TMEM71: variants seen among roughly 807,000 people sequenced by gnomAD.
TMEM71 encodes transmembrane protein 71.
TMEM71 carries 44 observed loss-of-function variants against 38.0 expected under a neutral mutation model. That is an observed-to-expected ratio of 1.16 (90% CI 0.91 to 1.49). The LOEUF is 1.49. Among genes scored for constraint, TMEM71 ranks in the 40% most tolerant of loss-of-function variants. TMEM71 has a pLI of 0.00. For missense variants in TMEM71, 367 were observed against 348.6 expected (o/e 1.05, Z -0.42); for synonymous variants, 133 against 122.5 (o/e 1.09, Z -0.56).
At chr8:132,746,617 A>T (rs1487998128) in intron 5 of TMEM71, among the ~76,000 whole-genome samples, 1 of 151,598 alleles carries the variant, frequency 6.6e-6, no homozygotes, top group African/African-American at 2.4e-5. Context: ...TTTCCAATGC[A>T]GGTCTTCTAA....
At chr8:132,747,449 A>G (rs1453302060) in intron 4 of TMEM71, among the ~76,000 whole-genome samples, 1 of 152,254 alleles carries the variant, frequency 6.6e-6, no homozygotes, top group Admixed American at 6.5e-5. Flanking sequence ...TATCTTCAGA[A>G]CAACTGTATG....
At position 132,738,968 on chromosome 8, in the gene TMEM71, T is replaced by C. The variant is rs76813916; in HGVS notation, c.487+7974A>G. On this transcript the variant is annotated intron_variant, in intron 5 of 9. Transcript: ENST00000677595. Reference sequence around the variant, plus strand: ...TGATAATGTGCTATAGCTGTATAAGTAGTTATCAGTGGGCAAAGCTGGGTG... The same window carrying C: ...TGATAATGTGCTATAGCTGTATAAGCAGTTATCAGTGGGCAAAGCTGGGTG... Among the ~76,000 whole-genome samples, 1,340 of 152,288 alleles carry C rather than the reference T, an allele frequency of 8.8e-3. 40 individuals are homozygous for C. The highest frequency in any genetic ancestry group is 0.088 in the East Asian group (455 of 5,180).
intron 7 of TMEM71, among the ~76,000 whole-genome samples, chr8:132,719,678 A>T (rs1302319412): frequency 6.6e-6 from 1 of 152,242 alleles, no homozygotes; most frequent in Non-Finnish European, 1.5e-5. Context: ...GTCAATTTTT[A>T]ATTCAAATAA....
At chr8:132,772,224 T>C in the TMEM71 span, among the ~76,000 whole-genome samples, 2 of 152,256 alleles carry the variant, frequency 1.3e-5, no homozygotes, top group Non-Finnish European at 2.9e-5. Flanking sequence ...GGAGACATTA[T>C]GGTTCCATAT....
At chr8:132,731,324 G>A (rs1827442913) in intron 5 of TMEM71, among the ~76,000 whole-genome samples, 1 of 152,140 alleles carries the variant, frequency 6.6e-6, no homozygotes, top group Non-Finnish European at 1.5e-5. Context: ...GGGTGCTGAT[G>A]AGTCATCAAA....
intron 3 of TMEM71, among the ~76,000 whole-genome samples, chr8:132,753,445 GA>G (rs1484681247): frequency 6.6e-6 from 1 of 152,102 alleles, no homozygotes; most frequent in South Asian, 2.1e-4. Flanking sequence ...TATGCTTCCA[GA>G]AAATCACAGA....
At chr8:132,717,118 C>G (rs1329736040) in intron 7 of TMEM71, among the ~76,000 whole-genome samples, 1 of 152,036 alleles carries the variant, frequency 6.6e-6, no homozygotes, top group Non-Finnish European at 1.5e-5. Flanking sequence ...AATGTAAGAG[C>G]TAAAACTATA....
chr8:132,727,981 C>T lies in TMEM71; in HGVS notation c.493G>A (p.Asp165Asn), dbSNP rs1421302913. ...DTDHCNGNAD[D>N]LDCSSLTDDW... Reference sequence around the variant, plus strand: ...TCAGTCAGAGAAGAACAGTCTAAATCATCTGCTGAAAAAGCAGAGGGGTTC... The same window carrying T: ...TCAGTCAGAGAAGAACAGTCTAAATTATCTGCTGAAAAAGCAGAGGGGTTC... The change falls in exon 6 of 10, where the codon GAT becomes AAT. Residue 165 changes from aspartate (D) to asparagine (N), a missense_variant. Coordinates refer to ENST00000677595, the MANE Select transcript of TMEM71 (RefSeq NM_001382403.1). 6.2e-7 allele frequency: 1 copy of T among 1,609,196 alleles called. No homozygotes were observed. Among genetic ancestry groups the T allele is most frequent in the South Asian group, 1.1e-5 (1 of 90,370 alleles).
chr8:132,769,715 G>C, the TMEM71 span, among the ~76,000 whole-genome samples: 12 of 152,126 alleles, frequency 7.9e-5, no homozygotes, highest in African/African-American at 2.9e-4. Flanking sequence ...AGAATCCCAG[G>C]CACCAAATCA....
intron 9 of TMEM71, 69 bp from the exon 10 acceptor site, chr8:132,711,051 A>G: frequency 6.9e-7 from 1 of 1,447,116 alleles, no homozygotes; most frequent in Non-Finnish European, 9.6e-7. Flanking sequence ...GTATCTAATC[A>G]CTGCATACCC....
chr8:132,758,290 T>C (rs942470538), intron 2 of TMEM71: 1 of 153,298 alleles, frequency 6.5e-6, no homozygotes. Context: ...GTGTCAATAG[T>C]CCTAACAGAC....
At chr8:132,752,185 T>C in intron 3 of TMEM71, among the ~76,000 whole-genome samples, 188 bp from the exon 4 acceptor site, 1 of 152,254 alleles carries the variant, frequency 6.6e-6, no homozygotes, top group Non-Finnish European at 1.5e-5. Flanking sequence ...AGCGTTGAAC[T>C]ACAGAAACTT....
At chr8:132,724,677 C>T (rs926232231) in intron 6 of TMEM71, among the ~76,000 whole-genome samples, 1 of 152,096 alleles carries the variant, frequency 6.6e-6, no homozygotes, top group Non-Finnish European at 1.5e-5. Flanking sequence ...ACAGCCTCAG[C>T]TTATGAAGAT....
chr8:132,750,631 G>T lies in TMEM71; in HGVS notation c.314+1154C>A, dbSNP rs142050781. Among the ~76,000 whole-genome samples, 403 of 152,242 alleles carry T rather than the reference G, an allele frequency of 2.6e-3. 4 individuals are homozygous for T. Among genetic ancestry groups the T allele is most frequent in the African/African-American group, 9.0e-3 (373 of 41,548 alleles). On this transcript the variant is annotated intron_variant, in intron 4 of 9. Transcript: ENST00000677595. ...TATTTTATATCATTAAGATTTGATA[G>T]TTATTTGTTACACAGCTTTATTGTG...
rs571232090 is a variant in TMEM71 at position 132,721,092 on chromosome 8, C to A, written c.752+948G>T. On this transcript the variant is annotated intron_variant, in intron 7 of 9. Coordinates refer to ENST00000677595, the MANE Select transcript of TMEM71 (RefSeq NM_001382403.1). ...TCTCTCTGATGATGTGACATTTGAA[C>A]GGATTTTGTAAAGAAGTAAGGTCAC... Among the ~76,000 whole-genome samples the A allele has an allele frequency of 9.9e-5, 15 of 152,200 alleles. No homozygotes were observed. The East Asian group carries it at 2.9e-3, about 29-fold the overall frequency.
intron 7 of TMEM71, 60 bp from the exon 8 acceptor site, chr8:132,714,275 T>C (rs1826386092): frequency 8.0e-6 from 10 of 1,253,610 alleles, no homozygotes; most frequent in African/African-American, 1.5e-5. Context: ...ACCTGTGTGA[T>C]TTTTTTAGAC....
chr8:132,713,933 C>A, intron 9 of TMEM71, 62 bp downstream of exon 9: 2 of 1,530,654 alleles, frequency 1.3e-6, no homozygotes, highest in Non-Finnish European at 9.0e-7. Context: ...AGAAACCATT[C>A]TCAGATATCA....
intron 9 of TMEM71, 73 bp downstream of exon 9, chr8:132,713,922 C>A (rs888577901): frequency 6.2e-6 from 9 of 1,442,304 alleles, no homozygotes; most frequent in Non-Finnish European, 8.7e-6. Context: ...TACTATGCAG[C>A]AGAAACCATT....
At chr8:132,742,160 A>C (rs1013733635) in intron 5 of TMEM71, among the ~76,000 whole-genome samples, 1 of 152,250 alleles carries the variant, frequency 6.6e-6, no homozygotes, top group Non-Finnish European at 1.5e-5. Flanking sequence ...TGGAATAAAG[A>C]GTAATTGCTA....
Sources: allele counts gnomAD v4.1 joint callset (sites outside exome capture counted in the v4.1 genomes callset), GRCh38; gene constraint gnomAD v4.1.1; transcripts MANE v1.5; gene names NCBI Gene and HGNC (gene_info 2026-07-23, HGNC 2026-07-21).